The following RAD54L2 variants were observed in gnomAD, a reference collection of about 807,000 sequenced individuals.
RAD54L2 encodes helicase ARIP4.
RAD54L2 carries 27 observed loss-of-function variants against 138.4 expected under a neutral mutation model. The ratio of observed to expected loss-of-function variants is 0.20; its 90% CI spans 0.14 to 0.27. RAD54L2 has a LOEUF of 0.27. Among genes scored for constraint, RAD54L2 ranks in the 10% least tolerant of loss-of-function variants. RAD54L2 has a pLI of 1.00. For missense variants in RAD54L2, 1,396 were observed against 1,890.2 expected (o/e 0.74, Z 4.85); for synonymous variants, 644 against 723.2 (o/e 0.89, Z 1.76).
intron 3 of RAD54L2, among the ~76,000 whole-genome samples, chr3:51,606,979 G>C (rs1170466556): frequency 1.3e-5 from 2 of 149,998 alleles, no homozygotes; most frequent in Non-Finnish European, 3.0e-5. Flanking sequence ...ACCGTGCCTG[G>C]CCTATTGTTT....
intron 2 of RAD54L2, among the ~76,000 whole-genome samples, chr3:51,549,509 C>G (rs1267630120): frequency 2.0e-5 from 3 of 152,088 alleles, no homozygotes; most frequent in Non-Finnish European, 4.4e-5. Flanking sequence ...TACCTGTAAT[C>G]CCACCACTTT....
chr3:51,622,420 C>T (rs1700586794), intron 3 of RAD54L2, among the ~76,000 whole-genome samples: 1 of 152,092 alleles, frequency 6.6e-6, no homozygotes, highest in Non-Finnish European at 1.5e-5. Flanking sequence ...GACATTTTAA[C>T]CTCTTGTTTA....
chr3:51,630,251 C>CTTCCAT (rs768873244), intron 5 of RAD54L2, 21 bp from the exon 6 acceptor site: 1 of 1,599,576 alleles, frequency 6.3e-7, no homozygotes, highest in South Asian at 1.1e-5. Flanking sequence ...ACACCGTTCC[C>CTTCCAT]TTCCATTTTG....
chr3:51,627,808 A>G, intron 4 of RAD54L2, 54 bp downstream of exon 4: 2 of 1,581,400 alleles, frequency 1.3e-6, no homozygotes, highest in Non-Finnish European at 8.7e-7. Flanking sequence ...TTTTACCTTC[A>G]TCTTAAGGCT....
intron 2 of RAD54L2, among the ~76,000 whole-genome samples, chr3:51,589,444 C>T (rs1337019083): frequency 4.6e-5 from 7 of 152,094 alleles, no homozygotes; most frequent in Non-Finnish European, 1.0e-4. Flanking sequence ...CTTACATTGT[C>T]TACAGTCAAA....
At chr3:51,648,971 C>T (rs780574350) in intron 19 of RAD54L2, among the ~76,000 whole-genome samples, 1 of 152,040 alleles carries the variant, frequency 6.6e-6, no homozygotes, top group Non-Finnish European at 1.5e-5. Context: ...TTGACAGAAG[C>T]AGGCTTCTGA....
chr3:51,641,932 C>G (rs928374544), intron 15 of RAD54L2, 65 bp downstream of exon 15: 2 of 1,094,042 alleles, frequency 1.8e-6, no homozygotes, highest in African/African-American at 3.2e-5. Context: ...TCCTTTCCTT[C>G]TCTCTCTTTC....
chr3:51,604,697 G>A (rs533157150), intron 3 of RAD54L2, among the ~76,000 whole-genome samples: 1 of 152,302 alleles, frequency 6.6e-6, no homozygotes, highest in South Asian at 2.1e-4. Context: ...AGGATAATAA[G>A]CATTGCTGAT....
chr3:51,663,711 G>C lies in RAD54L2; in HGVS notation c.*291G>C, dbSNP rs1384602175. On this transcript the variant is annotated 3_prime_UTR_variant, in exon 23 of 23. Coordinates refer to ENST00000684192, the MANE Select transcript of RAD54L2 (RefSeq NM_015106.4). ...TTTTCCTTCCTGCCTTGCTTATGCT[G>C]TCTGCTTGCTTGCTCGCCCATCTGA... 3 of 373,150 alleles carry C rather than the reference G, an allele frequency of 8.0e-6. No homozygotes were observed. The highest frequency in any genetic ancestry group is 2.1e-5 in the African/African-American group (1 of 48,072). The allele number at this position is 373,150 out of a possible 1,614,324, so 23.1% of individuals were successfully genotyped here. A position where few individuals can be genotyped will look rare whatever the true frequency, so the allele number is the denominator to read the frequency against.
intron 19 of RAD54L2, among the ~76,000 whole-genome samples, chr3:51,648,941 C>T (rs758946541): frequency 3.3e-5 from 5 of 152,048 alleles, no homozygotes; most frequent in Non-Finnish European, 5.9e-5. Flanking sequence ...CAAAGCTGGA[C>T]GGAGAATGAC....
chr3:51,590,390 C>A lies in RAD54L2; in HGVS notation c.-31C>A. 1 of 1,494,294 alleles carries A rather than the reference C, an allele frequency of 6.7e-7. No homozygotes were observed. The highest frequency in any genetic ancestry group is 1.3e-5 in the South Asian group (1 of 74,132). 92.6% of individuals were successfully genotyped at this position (1,494,294 alleles called of 1,614,324 possible). On this transcript the variant is annotated 5_prime_UTR_variant, in exon 3 of 23. Transcript: ENST00000684192. ...AGCACCCCTGCAGTGGACCATGAGT[C>A]GGTAATGCCCACTGAGGACCTCTGG... is the stretch of plus-strand genomic sequence containing the variant.
At chr3:51,547,986 C>T (rs563691162) in intron 2 of RAD54L2, among the ~76,000 whole-genome samples, 42 of 149,062 alleles carry the variant, frequency 2.8e-4, no homozygotes, top group Non-Finnish European at 4.9e-4. Flanking sequence ...CTGCCTCCTG[C>T]GTTCAAGCGA....
At position 51,642,960 on chromosome 3, in the gene RAD54L2, A is replaced by G. The variant is rs80244390; in HGVS notation, c.2351-915A>G. On this transcript the variant is annotated intron_variant, in intron 15 of 22. Transcript: ENST00000684192. ...AATTCAGTTTTCCATGTGGTATTTC[A>G]TGCCCTTAGCTTTACCATTTACTCA... Among the ~76,000 whole-genome samples, 8 of 151,444 alleles carry G rather than the reference A, an allele frequency of 5.3e-5. No individual in the cohort carries two copies. The East Asian group carries it at 1.6e-3, about 29-fold the overall frequency.
intron 3 of RAD54L2, among the ~76,000 whole-genome samples, chr3:51,616,855 A>G (rs1400968808): frequency 6.6e-6 from 1 of 152,014 alleles, no homozygotes; most frequent in Non-Finnish European, 1.5e-5. Flanking sequence ...AAGAAAAGAA[A>G]ATATCCATGG....
intron 21 of RAD54L2, among the ~76,000 whole-genome samples, chr3:51,659,095 C>CTT (rs1701685263): frequency 1.7e-5 from 2 of 120,702 alleles, no homozygotes; most frequent in Non-Finnish European, 1.7e-5. Context: ...CCATCCGGCT[C>CTT]TTGTTTTTTT....
chr3:51,580,875 C>T lies in RAD54L2; in HGVS notation c.-54-9492C>T, dbSNP rs1272914834. 2.6e-5 allele frequency among the ~76,000 whole-genome samples: 4 copies of T among 152,138 alleles called. No individual in the cohort carries two copies. The East Asian group carries it at 7.7e-4, about 29-fold the overall frequency. ...AGTCACAGTGGAAAAGCGTTAATAA[C>T]CATCCAAATGCAATAATATTAGTAC... On this transcript the variant is annotated intron_variant, in intron 2 of 22. Transcript: ENST00000684192.
chr3:51,607,241 A>G lies in RAD54L2; in HGVS notation c.139+16682A>G, dbSNP rs182312564. ...ACAAAGGTCTCTGGTTTTCCTAGGC[A>G]GAGGGCCCTGCCGCCTTCCGCAGTG... On this transcript the variant is annotated intron_variant, in intron 3 of 22. Coordinates refer to ENST00000684192, the MANE Select transcript of RAD54L2 (RefSeq NM_015106.4). Among the ~76,000 whole-genome samples the G allele has an allele frequency of 3.6e-4, 55 of 152,010 alleles. 1 individual carries two copies. The highest frequency in any genetic ancestry group is 7.0e-4 in the African/African-American group (29 of 41,490).
intron 15 of RAD54L2, among the ~76,000 whole-genome samples, chr3:51,643,167 T>A (rs748235009): frequency 7.3e-5 from 11 of 151,502 alleles, no homozygotes; most frequent in Non-Finnish European, 1.3e-4. Flanking sequence ...TCCCAAGTAC[T>A]GGGACTACAG....
In RAD54L2 at chr3:51,663,426, G is replaced by A; in HGVS notation, c.*6G>A. 2 of 1,606,088 alleles carry A rather than the reference G, an allele frequency of 1.2e-6. No individual in the cohort carries two copies. The highest frequency in any genetic ancestry group is 2.2e-5 in the South Asian group (2 of 90,798). ...TAGAGGTCACTGGGAAATAGCTAGGGAGCCCCTCCCCACCTCACTTGGGGC... is the reference window on the plus strand; with the variant it reads ...TAGAGGTCACTGGGAAATAGCTAGGAAGCCCCTCCCCACCTCACTTGGGGC... On this transcript the variant is annotated 3_prime_UTR_variant, in exon 23 of 23. Transcript: ENST00000684192.
Sources: allele counts gnomAD v4.1 joint callset (sites outside exome capture counted in the v4.1 genomes callset), GRCh38; gene constraint gnomAD v4.1.1; transcripts MANE v1.5; gene names NCBI Gene and HGNC (gene_info 2026-07-23, HGNC 2026-07-21).